Variants in MMS19 observed in about 807,000 individuals in gnomAD.
MMS19 encodes MMS19 nucleotide excision repair protein homolog.
A neutral mutation model predicts 129.8 loss-of-function variants in MMS19; 77 were observed. The ratio of observed to expected loss-of-function variants is 0.59; its 90% CI spans 0.49 to 0.72. The LOEUF (loss-of-function observed/expected upper bound fraction) is 0.72. MMS19 is among the 30% of genes least tolerant of loss of function. The pLI is 0.00. For synonymous variants in MMS19, 491 were observed against 502.8 expected (o/e 0.98, Z 0.31); for missense variants, 1,168 against 1,266.3 (o/e 0.92, Z 1.18).
rs28987103 is a variant in MMS19, at chr10:97,493,356, C to T, written c.112+4917G>A. Among the ~76,000 whole-genome samples, 966 of 152,286 alleles carry T rather than the reference C, an allele frequency of 6.3e-3. 10 individuals are homozygous for T. The highest frequency in any genetic ancestry group is 0.022 in the African/African-American group (911 of 41,560). On this transcript the variant is annotated intron_variant, in intron 1 of 30. Transcript: ENST00000438925. ...TCACAGTAGGCTGAGGCTAGAGGATCGCTAGAGGTCAGGAGTTGGAGACCA... is the reference window on the plus strand; with the variant it reads ...TCACAGTAGGCTGAGGCTAGAGGATTGCTAGAGGTCAGGAGTTGGAGACCA...
At chr10:97,479,405 G>C (rs1001095029) in intron 3 of MMS19, among the ~76,000 whole-genome samples, 3 of 152,134 alleles carry the variant, frequency 2.0e-5, no homozygotes, top group African/African-American at 7.2e-5. Context: ...AGGAGCCCTT[G>C]CTGCTGTTCC....
intron 1 of MMS19, among the ~76,000 whole-genome samples, chr10:97,494,654 A>C (rs2039484596): frequency 6.6e-6 from 1 of 152,230 alleles, no homozygotes; most frequent in South Asian, 2.1e-4. Flanking sequence ...AAATAACTAA[A>C]AGGAAAAAAA....
intron 18 of MMS19, 129 bp downstream of exon 18, chr10:97,465,676 A>G (rs867005831): frequency 3.4e-6 from 3 of 890,034 alleles, no homozygotes; most frequent in Admixed American, 5.1e-5. Flanking sequence ...CGCAGGCATC[A>G]GTATTTTTTT....
At chr10:97,461,267 C>T (rs1454672375) in intron 23 of MMS19, 13 of 617,210 alleles carry the variant, frequency 2.1e-5, no homozygotes, top group East Asian at 1.4e-4. Context: ...GGGAGTAGGA[C>T]GGCAGAACTA....
chr10:97,478,780 T>C (rs2036217954), intron 3 of MMS19, among the ~76,000 whole-genome samples: 1 of 152,148 alleles, frequency 6.6e-6, no homozygotes, highest in African/African-American at 2.4e-5. Flanking sequence ...GGGAAATAAA[T>C]GAGTGTAGCT....
rs764162653 is a variant in MMS19, at chr10:97,468,292, A to G, written c.1178T>C (p.Val393Ala). 1.9e-6 allele frequency: 3 copies of G among 1,610,558 alleles called. No individual in the cohort carries two copies. The East Asian group carries it at 6.7e-5, about 36-fold the overall frequency. The change falls in exon 13 of 31, where the codon GTA (valine) becomes GCA (alanine). Residue 393 changes from valine (V) to alanine (A), a missense_variant. Val to Ala is a moderately conservative substitution (Grantham distance 64). Around this residue, in one of 3 missense-constraint regions of MMS19, gnomAD observed 831 missense variants for 910.8 expected, o/e 0.91. Transcript: ENST00000438925. ...ARACDSVTSN[V>A]LPLLLEQFHK... Reference sequence around the variant, plus strand: ...GAACTGTTCCAGCAGTAAAGGCAGTACATTGCTGGTGACAGAGTCACAGGC... The same window carrying G: ...GAACTGTTCCAGCAGTAAAGGCAGTGCATTGCTGGTGACAGAGTCACAGGC...
intron 2 of MMS19, among the ~76,000 whole-genome samples, chr10:97,483,384 A>AG (rs1305970383): frequency 6.6e-6 from 1 of 152,114 alleles, no homozygotes; most frequent in Non-Finnish European, 1.5e-5. Flanking sequence ...TAATGGACCA[A>AG]GGCCACCACA....
chr10:97,464,100 A>C (rs576919823), intron 18 of MMS19, 87 bp from the exon 19 acceptor site: 1 of 1,273,738 alleles, frequency 7.9e-7, no homozygotes, highest in South Asian at 1.3e-5. Flanking sequence ...AGGAACAAAG[A>C]AGAGTGACTG....
chr10:97,477,026 T>C, intron 6 of MMS19, 63 bp from the exon 7 acceptor site: 5 of 1,603,168 alleles, frequency 3.1e-6, no homozygotes, highest in Non-Finnish European at 4.3e-6. Flanking sequence ...GGCTTTCTCC[T>C]AGCCTGTGTT....
intron 11 of MMS19, among the ~76,000 whole-genome samples, 184 bp downstream of exon 11, chr10:97,469,462 G>A (rs577666475): frequency 6.6e-6 from 1 of 152,316 alleles, no homozygotes; most frequent in East Asian, 1.9e-4. Context: ...GCAGCTGACC[G>A]TCACATAGGG....
At chr10:97,467,199 G>A (rs1011799549) in intron 14 of MMS19, among the ~76,000 whole-genome samples, 1 of 152,082 alleles carries the variant, frequency 6.6e-6, no homozygotes, top group African/African-American at 2.4e-5. Flanking sequence ...GGCTGGTCTC[G>A]AACTCCTAAC....
intron 1 of MMS19, among the ~76,000 whole-genome samples, chr10:97,495,536 G>C (rs1589832873): frequency 6.6e-6 from 1 of 152,208 alleles, no homozygotes; most frequent in African/African-American, 2.4e-5. Context: ...TTCTATAAAC[G>C]CTTCAACACT....
chr10:97,491,061 G>T (rs987523585), intron 1 of MMS19, among the ~76,000 whole-genome samples: 11 of 152,284 alleles, frequency 7.2e-5, no homozygotes, highest in African/African-American at 2.6e-4. Context: ...GCAACATTTG[G>T]GAAGGTAGAA....
chr10:97,486,480 C>A (rs1441875003), intron 1 of MMS19, among the ~76,000 whole-genome samples: 3 of 152,186 alleles, frequency 2.0e-5, no homozygotes, highest in African/African-American at 7.2e-5. Flanking sequence ...TGTGCCAGGC[C>A]AAAATCCTGC....
chr10:97,459,664 G>A lies in MMS19; in HGVS notation c.2734C>T (p.Pro912Ser), dbSNP rs1211458471. The change falls in exon 27 of 31, where the codon CCC (proline) becomes TCC (serine). Residue 912 changes from proline (P) to serine (S), a missense_variant. Around this residue, in one of 3 missense-constraint regions of MMS19, gnomAD observed 831 missense variants for 910.8 expected, o/e 0.91. Transcript: ENST00000438925. Reference sequence around the variant, plus strand: ...GCTCTGCCTGTGGGACTTACCGTGGGCAGCTCTGGCAAGAGTACAGGCTTG... The same window carrying A: ...GCTCTGCCTGTGGGACTTACCGTGGACAGCTCTGGCAAGAGTACAGGCTTG... ...LPKPVLLPEL[P>S]TLLSLLLEAL... The A allele has an allele frequency of 1.2e-6, 2 of 1,611,734 alleles. No homozygotes were observed. Among genetic ancestry groups the A allele is most frequent in the Middle Eastern group, 3.3e-4 (2 of 6,058 alleles).
intron 18 of MMS19, among the ~76,000 whole-genome samples, chr10:97,464,620 C>A (rs29001318): frequency 0.047 from 7,094 of 152,156 alleles, 480 homozygotes; most frequent in African/African-American, 0.15. Flanking sequence ...GGTTAACAGA[C>A]CATCTTTTGA....
intron 8 of MMS19, among the ~76,000 whole-genome samples, chr10:97,472,591 T>G (rs1219626701): frequency 6.6e-6 from 1 of 151,720 alleles, no homozygotes; most frequent in Non-Finnish European, 1.5e-5. Context: ...GAGAAAATAA[T>G]TTCCATTTTT....
chr10:97,480,395 A>G, intron 3 of MMS19: 1 of 438,514 alleles, frequency 2.3e-6, no homozygotes, highest in Non-Finnish European at 4.5e-6. Context: ...AAACAAAAAA[A>G]CCAGGCTATA....
intron 22 of MMS19, 91 bp downstream of exon 22, chr10:97,461,737 A>G: frequency 6.5e-7 from 1 of 1,543,102 alleles, no homozygotes; most frequent in Non-Finnish European, 8.8e-7. Flanking sequence ...TGGTGGGGGA[A>G]GTAAAAGATC....
Sources: allele counts gnomAD v4.1 joint callset (sites outside exome capture counted in the v4.1 genomes callset), GRCh38; gene constraint gnomAD v4.1.1; regional missense constraint gnomAD v4.1.1; transcripts MANE v1.5; gene names NCBI Gene and HGNC (gene_info 2026-07-23, HGNC 2026-07-21).